The following MARCHF1 variants were observed in gnomAD, a reference collection of about 807,000 sequenced individuals.
The protein encoded by MARCHF1 is E3 ubiquitin-protein ligase MARCHF1.
A neutral mutation model predicts 54.2 loss-of-function variants in MARCHF1; 40 were observed. The observed-to-expected ratio is 0.74, with a 90% CI of 0.57 to 0.96. The LOEUF (loss-of-function observed/expected upper bound fraction) is 0.96, where lower values mean the gene tolerates loss of function less well. Among genes scored for constraint, MARCHF1 ranks in the 40% least tolerant of loss-of-function variants. The pLI, the probability that MARCHF1 is intolerant of heterozygous loss-of-function variation, is 0.00. For synonymous variants in MARCHF1, 236 were observed against 236.3 expected, an observed-to-expected ratio of 1.00 and a Z score of 0.01; for missense variants, 586 against 656.5, an observed-to-expected ratio of 0.89 and a Z score of 1.17.
intron 1 of MARCHF1, among the ~76,000 whole-genome samples, chr4:164,123,922 G>C (rs1756127950): frequency 6.6e-6 from 1 of 152,020 alleles, no homozygotes; most frequent in Non-Finnish European, 1.5e-5. Flanking sequence ...AAGTTAAAAA[G>C]CTTCCACACA....
At chr4:163,795,833 A>G (rs1247800950) in intron 4 of MARCHF1, among the ~76,000 whole-genome samples, 1 of 152,208 alleles carries the variant, frequency 6.6e-6, no homozygotes, top group East Asian at 1.9e-4. Flanking sequence ...ACTATAGCCT[A>G]CTGTTGACTG....
At chr4:164,367,743 T>C (rs1730916542) in intron 1 of MARCHF1, among the ~76,000 whole-genome samples, 1 of 151,960 alleles carries the variant, frequency 6.6e-6, no homozygotes, top group Admixed American at 6.6e-5. Context: ...TTCAGTATTC[T>C]AAAACAATTT....
chr4:163,815,677 G>T (rs1351273297), intron 4 of MARCHF1, among the ~76,000 whole-genome samples: 3 of 152,016 alleles, frequency 2.0e-5, no homozygotes, highest in African/African-American at 7.2e-5. Context: ...TTTCTTCAAA[G>T]GTGTCAAAAG....
intron 3 of MARCHF1, among the ~76,000 whole-genome samples, chr4:163,886,338 T>C (rs1047156514): frequency 1.3e-5 from 2 of 149,726 alleles, no homozygotes; most frequent in Non-Finnish European, 3.0e-5. Context: ...GATAGATAGA[T>C]AGATAGATAG....
At chr4:163,872,763 G>A (rs1044047528) in intron 3 of MARCHF1, among the ~76,000 whole-genome samples, 3 of 152,138 alleles carry the variant, frequency 2.0e-5, no homozygotes, top group East Asian at 1.9e-4. Flanking sequence ...TGATGAAGTC[G>A]GCCGGGCGCG....
intron 8 of MARCHF1, among the ~76,000 whole-genome samples, chr4:163,570,839 A>G (rs1739818336): frequency 6.6e-6 from 1 of 152,126 alleles, no homozygotes. Flanking sequence ...TCTATTTCAG[A>G]ATGCCACAGA....
At chr4:164,118,355 A>G (rs1382666332) in intron 1 of MARCHF1, among the ~76,000 whole-genome samples, 1 of 151,350 alleles carries the variant, frequency 6.6e-6, no homozygotes, top group Non-Finnish European at 1.5e-5. Context: ...ATTAAAACTG[A>G]CCACAGATTT....
chr4:164,003,152 T>C (rs1248847443), intron 2 of MARCHF1, among the ~76,000 whole-genome samples: 1 of 151,894 alleles, frequency 6.6e-6, no homozygotes, highest in Non-Finnish European at 1.5e-5. Context: ...GGGCAATCAG[T>C]TAAATATTAA....
chr4:163,834,704 A>G (rs1476023708), intron 4 of MARCHF1, among the ~76,000 whole-genome samples: 1 of 150,254 alleles, frequency 6.7e-6, no homozygotes, highest in South Asian at 2.1e-4. Flanking sequence ...AGAACAAAAA[A>G]CCAAACACCG....
At chr4:163,894,588 A>G (rs1186876395) in intron 3 of MARCHF1, among the ~76,000 whole-genome samples, 1 of 68,450 alleles carries the variant, frequency 1.5e-5, no homozygotes, top group East Asian at 7.0e-4. Context: ...TGATGCATAT[A>G]TATATATGCA....
At chr4:164,120,723 C>T (rs1203373599) in intron 1 of MARCHF1, among the ~76,000 whole-genome samples, 1 of 151,920 alleles carries the variant, frequency 6.6e-6, no homozygotes, top group Non-Finnish European at 1.5e-5. Context: ...ACAATATGCT[C>T]CCGAATGACC....
At chr4:164,144,006 G>C (rs1729586602) in intron 1 of MARCHF1, among the ~76,000 whole-genome samples, 1 of 151,986 alleles carries the variant, frequency 6.6e-6, no homozygotes, top group South Asian at 2.1e-4. Context: ...AAACAAAAAG[G>C]CAGGGGTTGC....
chr4:163,570,873 C>G (rs372323131), intron 8 of MARCHF1, among the ~76,000 whole-genome samples: 2 of 152,166 alleles, frequency 1.3e-5, no homozygotes, highest in East Asian at 3.9e-4. Context: ...TACCATATCC[C>G]TCAGTACTGT....
intron 2 of MARCHF1, among the ~76,000 whole-genome samples, chr4:164,077,061 T>A (rs79426634): frequency 2.0e-5 from 3 of 152,180 alleles, no homozygotes; most frequent in Admixed American, 2.0e-4. Flanking sequence ...AAAAAGAGCC[T>A]GTATAGCCCA....
chr4:164,119,886 G>C (rs1388404188), intron 1 of MARCHF1, among the ~76,000 whole-genome samples: 2 of 151,822 alleles, frequency 1.3e-5, no homozygotes, highest in Non-Finnish European at 2.9e-5. Flanking sequence ...ACAAGAATCA[G>C]ATTTTTTCAC....
At chr4:164,067,631 G>A (rs375360332) in intron 2 of MARCHF1, among the ~76,000 whole-genome samples, 2 of 152,118 alleles carry the variant, frequency 1.3e-5, no homozygotes, top group East Asian at 1.9e-4. Flanking sequence ...AAAAATGTTA[G>A]AAGAAACCTA....
At chr4:164,040,145 T>C (rs150995347) in intron 2 of MARCHF1, among the ~76,000 whole-genome samples, 7,292 of 144,766 alleles carry the variant, frequency 0.05, 277 homozygotes, top group South Asian at 0.12. Context: ...TTTATATCCA[T>C]AATTTTATAT....
chr4:163,867,802 T>G (rs1016200820), intron 3 of MARCHF1, among the ~76,000 whole-genome samples: 1 of 141,358 alleles, frequency 7.1e-6, no homozygotes, highest in Non-Finnish European at 1.5e-5. Flanking sequence ...TATATCAACT[T>G]TCATCAATTT....
At chr4:163,652,124 C>G (rs556144249) in intron 5 of MARCHF1, among the ~76,000 whole-genome samples, 6 of 151,926 alleles carry the variant, frequency 3.9e-5, no homozygotes, top group Non-Finnish European at 8.8e-5. Flanking sequence ...CAGACACTAT[C>G]TCATCTAGGA....
Sources: gnomAD v4.1 joint callset for allele counts (sites outside exome capture counted in the v4.1 genomes callset) on GRCh38, gnomAD v4.1.1 for gene constraint, MANE v1.5 for transcripts, NCBI Gene and HGNC (gene_info 2026-07-23, HGNC 2026-07-21) for gene names.